The following DNAH11 variants were observed in gnomAD, a reference collection of about 807,000 sequenced individuals.
The protein encoded by DNAH11 is dynein axonemal heavy chain 11.
Under a neutral mutation model 526.0 loss-of-function variants are expected in DNAH11, and 442 were observed. The ratio of observed to expected loss-of-function variants is 0.84; its 90% CI spans 0.78 to 0.91. The LOEUF (loss-of-function observed/expected upper bound fraction) is 0.91, where lower values mean the gene tolerates loss of function less well. Among genes scored for constraint, DNAH11 ranks in the 40% least tolerant of loss-of-function variants. DNAH11 has a pLI of 0.00. For synonymous variants in DNAH11, 2,461 were observed against 1,935.9 expected (o/e 1.27, Z -7.12); for missense variants, 6,989 against 5,448.7 (o/e 1.28, Z -8.90).
At chr7:21,625,220 T>G (rs930528168) in intron 25 of DNAH11, among the ~76,000 whole-genome samples, 30 of 152,120 alleles carry the variant, frequency 2.0e-4, no homozygotes, top group Non-Finnish European at 2.9e-4. Flanking sequence ...TTTACTCATC[T>G]GTTGAGATCT....
chr7:21,636,836 G>A (rs79462043), intron 26 of DNAH11, among the ~76,000 whole-genome samples: 4,561 of 152,208 alleles, frequency 0.03, 181 homozygotes, highest in African/African-American at 0.081. Flanking sequence ...GACCTTTGTG[G>A]TAATAAAGGT....
At chr7:21,886,346 A>G (rs187825401) in intron 76 of DNAH11, among the ~76,000 whole-genome samples, 11 of 152,334 alleles carry the variant, frequency 7.2e-5, no homozygotes, top group Non-Finnish European at 1.3e-4. Context: ...ATTTTAGTCT[A>G]ATATAGAAAA....
Position 21,901,361 on chromosome 7 carries a change from C to A in DNAH11, c.*107C>A, listed in dbSNP as rs1029807266. ...TATTCTAACTTTTTAGTAACTCACACGTGCATTCTTTTTTCAACGCTATCC... is the reference window on the plus strand; with the variant it reads ...TATTCTAACTTTTTAGTAACTCACAAGTGCATTCTTTTTTCAACGCTATCC... On this transcript the variant is annotated 3_prime_UTR_variant, in exon 82 of 82. Coordinates refer to ENST00000409508, the MANE Select transcript of DNAH11 (RefSeq NM_001277115.2). 1.9e-5 allele frequency: 26 copies of A among 1,359,224 alleles called. No individual in the cohort carries two copies. The highest frequency in any genetic ancestry group is 2.2e-5 in the Non-Finnish European group (23 of 1,043,212). 84.2% of individuals were successfully genotyped at this position (1,359,224 alleles called of 1,614,324 possible).
chr7:21,815,601 G>C (rs1294779095), intron 63 of DNAH11, among the ~76,000 whole-genome samples: 1 of 152,086 alleles, frequency 6.6e-6, no homozygotes, highest in African/African-American at 2.4e-5. Context: ...CTCTTATGGA[G>C]GCATGCTTCC....
chr7:21,722,911 C>A (rs984228007), intron 44 of DNAH11, among the ~76,000 whole-genome samples: 10 of 152,032 alleles, frequency 6.6e-5, no homozygotes, highest in African/African-American at 2.4e-4. Flanking sequence ...TGCTCATAAC[C>A]CCTCACCTCC....
chr7:21,879,738 C>T (rs1583805643), intron 74 of DNAH11, among the ~76,000 whole-genome samples: 4 of 152,188 alleles, frequency 2.6e-5, no homozygotes, highest in African/African-American at 9.6e-5. Flanking sequence ...CCCTGCCATA[C>T]CTAACTCAAG....
At chr7:21,566,899 TACTA>T (rs1783693616) in intron 6 of DNAH11, among the ~76,000 whole-genome samples, 1 of 152,230 alleles carries the variant, frequency 6.6e-6, no homozygotes, top group African/African-American at 2.4e-5. Flanking sequence ...TACAATTTTG[TACTA>T]ACTTCTTGAA....
At chr7:21,790,222 A>C (rs896545849) in intron 61 of DNAH11, among the ~76,000 whole-genome samples, 1 of 152,062 alleles carries the variant, frequency 6.6e-6, no homozygotes, top group Non-Finnish European at 1.5e-5. Context: ...CAAGGCGGGC[A>C]GATCACGACA....
chr7:21,828,183 A>T (rs749958834), intron 65 of DNAH11, among the ~76,000 whole-genome samples: 16 of 152,158 alleles, frequency 1.1e-4, no homozygotes, highest in Non-Finnish European at 2.2e-4. Flanking sequence ...TCCTGACCTC[A>T]GGTGATCCAC....
intron 68 of DNAH11, among the ~76,000 whole-genome samples, chr7:21,860,287 C>CAA (rs34076919): frequency 8.7e-4 from 130 of 149,966 alleles, no homozygotes; most frequent in African/African-American, 2.2e-3. Context: ...TGGCTACTAT[C>CAA]AAAAAAAAAA....
intron 54 of DNAH11, among the ~76,000 whole-genome samples, chr7:21,763,752 T>A (rs1271252633): frequency 6.7e-6 from 1 of 149,144 alleles, no homozygotes; most frequent in Non-Finnish European, 1.5e-5. Context: ...TGCAAGCAAC[T>A]AAAATGTCCA....
chr7:21,629,436 T>G (rs76012949), intron 25 of DNAH11, among the ~76,000 whole-genome samples: 4,083 of 152,208 alleles, frequency 0.027, 179 homozygotes, highest in African/African-American at 0.092. Flanking sequence ...TAGTGTGTAG[T>G]TTAAGTCTGA....
intron 9 of DNAH11, among the ~76,000 whole-genome samples, chr7:21,585,600 T>C (rs1443732539): frequency 1.3e-5 from 2 of 152,180 alleles, no homozygotes; most frequent in Non-Finnish European, 2.9e-5. Flanking sequence ...CAAATACTAC[T>C]GAATGGCTCT....
At chr7:21,782,425 G>C (rs908428096) in intron 57 of DNAH11, among the ~76,000 whole-genome samples, 2 of 152,212 alleles carry the variant, frequency 1.3e-5, no homozygotes, top group Non-Finnish European at 2.9e-5. Flanking sequence ...CACTCTTCTA[G>C]TATTGTCGCA....
chr7:21,896,133 TTA>T (rs1395485569), intron 79 of DNAH11, among the ~76,000 whole-genome samples: 1 of 152,264 alleles, frequency 6.6e-6, no homozygotes, highest in Non-Finnish European at 1.5e-5. Context: ...TTAAGCCACA[TTA>T]TGTTTGTTGT....
At chr7:21,746,252 ACTT>A (rs1786146190) in intron 51 of DNAH11, among the ~76,000 whole-genome samples, 1 of 152,202 alleles carries the variant, frequency 6.6e-6, no homozygotes, top group South Asian at 2.1e-4. Flanking sequence ...CAGCAGGAAG[ACTT>A]CAATAAGTGA....
rs145322832 is a variant in DNAH11 at position 21,770,339 on chromosome 7, A to T, written c.9103-3427A>T. ...CATAGTGCAAAGGTAATTTTATATA[A>T]GATTTTGAAGAATTTTGTGCGTGAA... On this transcript the variant is annotated intron_variant, in intron 55 of 81. Transcript: ENST00000409508. Among the ~76,000 whole-genome samples the T allele has an allele frequency of 8.5e-4, 130 of 152,348 alleles. 1 individual carries two copies. Among genetic ancestry groups the T allele is most frequent in the African/African-American group, 3.0e-3 (124 of 41,580 alleles).
chr7:21,718,938 C>T (rs1381246087), intron 43 of DNAH11, among the ~76,000 whole-genome samples: 1 of 152,124 alleles, frequency 6.6e-6, no homozygotes, highest in African/African-American at 2.4e-5. Context: ...TTTCCGAAAG[C>T]AGGTCTGAAT....
chr7:21,898,745 G>A (rs991406136), intron 79 of DNAH11, among the ~76,000 whole-genome samples: 8 of 152,186 alleles, frequency 5.3e-5, no homozygotes, highest in Non-Finnish European at 7.3e-5. Context: ...GAACATGTAC[G>A]TAACAGCAGC....
Sources: gnomAD v4.1 joint callset for allele counts (sites outside exome capture counted in the v4.1 genomes callset) on GRCh38, gnomAD v4.1.1 for gene constraint, MANE v1.5 for transcripts, NCBI Gene and HGNC (gene_info 2026-07-23, HGNC 2026-07-21) for gene names.